KCNIP4: variants seen among roughly 807,000 people sequenced by gnomAD.
KCNIP4 encodes the protein Kv channel-interacting protein 4.
In KCNIP4, 12 loss-of-function variants were observed where a neutral mutation model predicts 34.0. That is an observed-to-expected ratio of 0.35 (90% CI 0.23 to 0.57). The LOEUF (loss-of-function observed/expected upper bound fraction) is 0.57, where lower values mean the gene tolerates loss of function less well. Ranked by LOEUF, KCNIP4 falls within the 20% of genes least tolerant of loss-of-function variation. The probability of loss-of-function intolerance (pLI) is 0.83; values close to 1 mark genes in which losing one functional copy is unlikely to be tolerated. For synonymous variants in KCNIP4, 124 were observed against 102.2 expected (o/e 1.21, Z -1.29); for missense variants, 238 against 311.7 (o/e 0.76, Z 1.78).
intron 1 of KCNIP4, among the ~76,000 whole-genome samples, chr4:21,612,043 C>G (rs781650277): frequency 6.6e-5 from 10 of 152,146 alleles, no homozygotes; most frequent in Admixed American, 6.5e-4. Flanking sequence ...ACATAATTGT[C>G]TTTTTAATAA....
intron 1 of KCNIP4, among the ~76,000 whole-genome samples, chr4:20,931,373 G>T (rs755215595): frequency 6.6e-6 from 1 of 152,004 alleles, no homozygotes; most frequent in Non-Finnish European, 1.5e-5. Flanking sequence ...GATATGTTCC[G>T]AAAAACGCAA....
intron 1 of KCNIP4, among the ~76,000 whole-genome samples, chr4:21,397,029 T>C (rs1252249762): frequency 6.6e-6 from 1 of 152,026 alleles, no homozygotes; most frequent in East Asian, 1.9e-4. Flanking sequence ...GTGGGGAAAA[T>C]AAAAAGTAAT....
At chr4:21,121,892 T>TTTGA (rs1398816857) in intron 1 of KCNIP4, among the ~76,000 whole-genome samples, 1 of 152,174 alleles carries the variant, frequency 6.6e-6, no homozygotes, top group Admixed American at 6.5e-5. Flanking sequence ...GCTTCAGAAT[T>TTTGA]TTGAATGTTA....
chr4:21,088,248 G>A (rs1031043784), intron 1 of KCNIP4, among the ~76,000 whole-genome samples: 4 of 151,974 alleles, frequency 2.6e-5, no homozygotes, highest in African/African-American at 7.3e-5. Context: ...TGAATTGCCT[G>A]GAACTGAGGC....
At chr4:20,739,262 G>A (rs1340731487) in intron 5 of KCNIP4, among the ~76,000 whole-genome samples, 1 of 152,214 alleles carries the variant, frequency 6.6e-6, no homozygotes, top group African/African-American at 2.4e-5. Flanking sequence ...TTTGAGATCT[G>A]AGAACAGACA....
intron 1 of KCNIP4, among the ~76,000 whole-genome samples, chr4:21,739,345 T>C (rs1254401661): frequency 6.6e-6 from 1 of 152,076 alleles, no homozygotes; most frequent in African/African-American, 2.4e-5. Flanking sequence ...AAGTATATAA[T>C]TGCATTTTTA....
At chr4:21,777,959 T>G (rs1387751145) in intron 1 of KCNIP4, among the ~76,000 whole-genome samples, 1 of 152,114 alleles carries the variant, frequency 6.6e-6, no homozygotes, top group Non-Finnish European at 1.5e-5. Flanking sequence ...TAATCTATTT[T>G]TGACTATAAA....
At chr4:21,641,169 C>T (rs980810667) in intron 1 of KCNIP4, among the ~76,000 whole-genome samples, 18 of 152,178 alleles carry the variant, frequency 1.2e-4, no homozygotes, top group Admixed American at 1.0e-3. Context: ...CCAAGAGGGC[C>T]CTAAATGCAC....
At chr4:21,226,891 A>G (rs1758446852) in intron 1 of KCNIP4, among the ~76,000 whole-genome samples, 1 of 152,086 alleles carries the variant, frequency 6.6e-6, no homozygotes, top group South Asian at 2.1e-4. Flanking sequence ...TCTGCACCTT[A>G]GGTACCCTTT....
At chr4:20,953,044 T>C (rs1732940411) in intron 1 of KCNIP4, among the ~76,000 whole-genome samples, 3 of 152,256 alleles carry the variant, frequency 2.0e-5, no homozygotes, top group Admixed American at 2.0e-4. Flanking sequence ...CCTTACCTCT[T>C]AATACCATCA....
At chr4:20,979,482 T>C (rs1298053840) in intron 1 of KCNIP4, among the ~76,000 whole-genome samples, 1 of 149,786 alleles carries the variant, frequency 6.7e-6, no homozygotes, top group East Asian at 2.0e-4. Flanking sequence ...CACTGCAAGC[T>C]CCGCCTCCCG....
At chr4:20,865,291 A>G (rs1166401901) in intron 2 of KCNIP4, among the ~76,000 whole-genome samples, 4 of 152,072 alleles carry the variant, frequency 2.6e-5, no homozygotes, top group Non-Finnish European at 5.9e-5. Flanking sequence ...GAAAAGAGTA[A>G]TGACAAAAGT....
At chr4:21,127,105 T>C (rs1396936688) in intron 1 of KCNIP4, among the ~76,000 whole-genome samples, 1 of 152,190 alleles carries the variant, frequency 6.6e-6, no homozygotes, top group African/African-American at 2.4e-5. Context: ...TGGATTTTCA[T>C]GAGGCCAAGT....
intron 1 of KCNIP4, among the ~76,000 whole-genome samples, chr4:21,020,195 C>G (rs1739915232): frequency 6.6e-6 from 1 of 152,122 alleles, no homozygotes; most frequent in African/African-American, 2.4e-5. Context: ...TCAGAATGTA[C>G]TGCTTCTATG....
chr4:21,293,180 G>A (rs759341226), intron 1 of KCNIP4, among the ~76,000 whole-genome samples: 4 of 152,072 alleles, frequency 2.6e-5, no homozygotes, highest in Non-Finnish European at 1.5e-5. Context: ...ATAATTAATG[G>A]TTACATTCAT....
chr4:21,179,341 G>T (rs1357892245), intron 1 of KCNIP4, among the ~76,000 whole-genome samples: 1 of 152,190 alleles, frequency 6.6e-6, no homozygotes, highest in African/African-American at 2.4e-5. Flanking sequence ...ATAGTAGCCA[G>T]ATTCAGTTCA....
chr4:21,404,327 A>C (rs1416641270), intron 1 of KCNIP4, among the ~76,000 whole-genome samples: 2 of 152,174 alleles, frequency 1.3e-5, no homozygotes, highest in Non-Finnish European at 2.9e-5. Flanking sequence ...CCTTGTTAGC[A>C]GGAATTTATT....
intron 1 of KCNIP4, among the ~76,000 whole-genome samples, chr4:21,694,925 A>AAAT (rs1712108396): frequency 2.1e-5 from 2 of 96,616 alleles, no homozygotes; most frequent in African/African-American, 4.0e-5. Context: ...AAAAAAAAAA[A>AAAT]AAAAATAAAA....
intron 1 of KCNIP4, among the ~76,000 whole-genome samples, chr4:21,738,242 T>C (rs183037208): frequency 2.0e-5 from 3 of 152,126 alleles, no homozygotes; most frequent in African/African-American, 7.2e-5. Context: ...AATCTACTTG[T>C]AGGATTTCAA....
Sources: gnomAD v4.1 joint callset for allele counts (sites outside exome capture counted in the v4.1 genomes callset) on GRCh38, gnomAD v4.1.1 for gene constraint, MANE v1.5 for transcripts, NCBI Gene and HGNC (gene_info 2026-07-23, HGNC 2026-07-21) for gene names.